CYLC2: variants seen among roughly 807,000 people sequenced by gnomAD.
CYLC2 encodes cylicin-2.
Under a neutral mutation model 26.1 loss-of-function variants are expected in CYLC2, and 30 were observed. The observed-to-expected ratio is 1.15, with a 90% CI of 0.86 to 1.56. The LOEUF (loss-of-function observed/expected upper bound fraction) is 1.56. CYLC2 is among the 40% of genes most tolerant of loss of function. CYLC2 has a pLI of 0.00. For missense variants in CYLC2, 498 were observed against 394.4 expected (o/e 1.26, Z -2.23); for synonymous variants, 158 against 132.8 (o/e 1.19, Z -1.31).
At chr9:103,009,433 G>A (rs1203845648) in intron 5 of CYLC2, among the ~76,000 whole-genome samples, 1 of 151,888 alleles carries the variant, frequency 6.6e-6, no homozygotes, top group African/African-American at 2.4e-5. Flanking sequence ...CCAACTCCTG[G>A]GCTCAAGCAA....
intron 1 of CYLC2, among the ~76,000 whole-genome samples, chr9:102,999,489 T>G (rs1829267733): frequency 1.3e-5 from 2 of 151,934 alleles, no homozygotes; most frequent in African/African-American, 4.8e-5. Context: ...TGAAACAAAA[T>G]AGGATCTGGA....
chr9:103,006,929 A>G (rs568469447), intron 5 of CYLC2, among the ~76,000 whole-genome samples: 2 of 152,296 alleles, frequency 1.3e-5, no homozygotes, highest in South Asian at 4.1e-4. Context: ...CTCTCATCGC[A>G]TAAATGATAA....
At chr9:103,014,524 T>TGCAATATACATCATATGTATATTAC (rs1829468467) in intron 6 of CYLC2, among the ~76,000 whole-genome samples, 3 of 114,306 alleles carry the variant, frequency 2.6e-5, no homozygotes, top group Admixed American at 9.7e-5. Context: ...ACATAATATA[T>TGCAATATACATCATATGTATATTAC]GCAATATACA....
intron 7 of CYLC2, among the ~76,000 whole-genome samples, chr9:103,018,088 T>C (rs1184367012): frequency 6.6e-6 from 1 of 151,996 alleles, no homozygotes; most frequent in African/African-American, 2.4e-5. Context: ...TGAGATCAGT[T>C]TTTTAGTTTT....
At chr9:103,008,413 T>C (rs937860678) in intron 5 of CYLC2, among the ~76,000 whole-genome samples, 2 of 152,164 alleles carry the variant, frequency 1.3e-5, no homozygotes, top group Admixed American at 1.3e-4. Context: ...ATACCATTCT[T>C]ATGCTGTTGA....
rs1829433611 is a variant in CYLC2, at chr9:103,013,266, AT to A, written c.*816+1170del. ...TGTAAATATATATTTAATGTGTTAT[AT>A]ATATTATATATAACACATTAAATAT... On this transcript the variant is annotated intron_variant, in intron 6 of 7. Coordinates refer to ENST00000374798, the MANE Select transcript of CYLC2 (RefSeq NM_001340.5). Among the ~76,000 whole-genome samples, 6 of 110,120 alleles carry A rather than the reference AT, an allele frequency of 5.4e-5. No individual in the cohort carries two copies. The South Asian group carries it at 7.7e-4, about 14-fold the overall frequency. The allele number at this position is 110,120 out of a possible 152,430, so 72.2% of individuals were successfully genotyped here. A position where few individuals can be genotyped will look rare whatever the true frequency, so the allele number is the denominator to read the frequency against.
chr9:103,014,564 ATGTATATTATGCAGTATACATCAT>A (rs1445234537), intron 6 of CYLC2, among the ~76,000 whole-genome samples: 1 of 143,412 alleles, frequency 7.0e-6, no homozygotes, highest in African/African-American at 2.5e-5. Context: ...TATACATCAT[ATGTATATTATGCAGTATACATCAT>A]ATGTATATTA....
intron 5 of CYLC2, among the ~76,000 whole-genome samples, chr9:103,009,995 G>GTATA (rs200311032): frequency 7.7e-5 from 11 of 143,350 alleles, no homozygotes; most frequent in Admixed American, 2.1e-4. Flanking sequence ...ACATGTATGT[G>GTATA]TATATATATA....
In CYLC2 at chr9:103,006,225, A is replaced by G. The variant is rs1194848474; in HGVS notation, c.*547A>G. ...AAGCCTACTTTCAAGTAAATATAGCATTCCTTTGGCAAAAAGAAAAAAAAA... is the reference window on the plus strand; with the variant it reads ...AAGCCTACTTTCAAGTAAATATAGCGTTCCTTTGGCAAAAAGAAAAAAAAA... On this transcript the variant is annotated 3_prime_UTR_variant, in exon 5 of 8. Transcript: ENST00000374798. 1 of 151,862 alleles carries G rather than the reference A, an allele frequency of 6.6e-6. No individual in the cohort carries two copies. The highest frequency in any genetic ancestry group is 1.5e-5 in the Non-Finnish European group (1 of 67,988). The allele number at this position is 151,862 out of a possible 1,614,324, so 9.4% of individuals were successfully genotyped here.
chr9:103,014,671 T>C (rs1334370883), intron 6 of CYLC2, among the ~76,000 whole-genome samples: 1 of 138,590 alleles, frequency 7.2e-6, no homozygotes, highest in Non-Finnish European at 1.6e-5. Flanking sequence ...CATATGTATA[T>C]TATGCAGTAT....
At chr9:103,004,657 C>T (rs763160829) in intron 3 of CYLC2, 38 bp from the exon 4 acceptor site, 7 of 1,458,406 alleles carry the variant, frequency 4.8e-6, no homozygotes, top group African/African-American at 2.9e-5. Flanking sequence ...GTGTTATTCA[C>T]TCACAAGTTG....
intron 1 of CYLC2, among the ~76,000 whole-genome samples, chr9:102,998,336 A>C (rs1829257115): frequency 6.6e-6 from 1 of 151,942 alleles, no homozygotes; most frequent in South Asian, 2.1e-4. Flanking sequence ...ATACATTTAC[A>C]TTCATATAAA....
At chr9:103,003,710 G>T (rs1829312090) in intron 3 of CYLC2, among the ~76,000 whole-genome samples, 1 of 151,938 alleles carries the variant, frequency 6.6e-6, no homozygotes, top group Non-Finnish European at 1.5e-5. Flanking sequence ...TGTAAAAATT[G>T]TTTCCAAGGA....
intron 1 of CYLC2, among the ~76,000 whole-genome samples, chr9:102,995,845 T>C (rs1829231855): frequency 6.6e-6 from 1 of 151,900 alleles, no homozygotes; most frequent in Middle Eastern, 3.2e-3. Context: ...GGGGCAGCTC[T>C]ATCCAAATGT....
At chr9:103,001,306 T>C (rs1384329569) in intron 1 of CYLC2, among the ~76,000 whole-genome samples, 1 of 151,360 alleles carries the variant, frequency 6.6e-6, no homozygotes, top group Non-Finnish European at 1.5e-5. Flanking sequence ...TATAAACAAA[T>C]TGCACATCTG....
intron 1 of CYLC2, among the ~76,000 whole-genome samples, chr9:102,996,498 G>A (rs1488141546): frequency 6.6e-6 from 1 of 151,926 alleles, no homozygotes; most frequent in East Asian, 1.9e-4. Context: ...GGTTTTTGTA[G>A]GAGGAAACTG....
In CYLC2 at chr9:103,005,674, A is replaced by C; in HGVS notation, c.1043A>C (p.Lys348Thr). Residue 348 changes from lysine to threonine, a missense_variant, in exon 5 of 8, where the codon AAG becomes ACG. Coordinates refer to ENST00000374798, the MANE Select transcript of CYLC2 (RefSeq NM_001340.5). Reference protein sequence around the residue: ...DEKKDAKKKGK With the variant: ...DEKKDAKKKGT Reference sequence around the variant, plus strand: ...AAGAAGGATGCAAAGAAGAAGGGCAAGTAGGCCTTGGATAAGAATTTGAAC... The same window carrying C: ...AAGAAGGATGCAAAGAAGAAGGGCACGTAGGCCTTGGATAAGAATTTGAAC... 1 of 1,605,578 alleles carries C rather than the reference A, an allele frequency of 6.2e-7. No individual in the cohort carries two copies. The highest frequency in any genetic ancestry group is 1.1e-5 in the South Asian group (1 of 89,468).
intron 1 of CYLC2, among the ~76,000 whole-genome samples, chr9:102,998,243 C>A (rs551292471): frequency 6.6e-6 from 1 of 151,926 alleles, no homozygotes; most frequent in Non-Finnish European, 1.5e-5. Context: ...CAACAACAAC[C>A]TTTTGACTTA....
chr9:103,004,915 T>G, intron 4 of CYLC2, 54 bp from the exon 5 acceptor site: 2 of 1,573,082 alleles, frequency 1.3e-6, no homozygotes, highest in Non-Finnish European at 1.7e-6. Flanking sequence ...CTATTAGAAT[T>G]TTATCAAGTT....
Sources: allele counts gnomAD v4.1 joint callset (sites outside exome capture counted in the v4.1 genomes callset), GRCh38; gene constraint gnomAD v4.1.1; transcripts MANE v1.5; gene names NCBI Gene and HGNC (gene_info 2026-07-23, HGNC 2026-07-21).